Variants in CDKAL1 observed in about 807,000 individuals in gnomAD.
CDKAL1 encodes threonylcarbamoyladenosine tRNA methylthiotransferase.
In CDKAL1, 32 loss-of-function variants were observed where a neutral mutation model predicts 68.2. That is an observed-to-expected ratio of 0.47 (90% CI 0.35 to 0.63). CDKAL1 has a LOEUF of 0.63. Ranked by LOEUF, CDKAL1 falls within the 30% of genes least tolerant of loss-of-function variation. The probability of loss-of-function intolerance (pLI) is 0.00; values close to 1 mark genes in which losing one functional copy is unlikely to be tolerated. For synonymous variants in CDKAL1, 234 were observed against 244.3 expected (o/e 0.96, Z 0.39); for missense variants, 606 against 696.7 (o/e 0.87, Z 1.47).
chr6:20,547,701 G>A (rs943329242), intron 3 of CDKAL1, among the ~76,000 whole-genome samples: 2 of 152,078 alleles, frequency 1.3e-5, no homozygotes, highest in Non-Finnish European at 2.9e-5. Context: ...TGTCCTAAAT[G>A]TGTCCTTAAG....
intron 4 of CDKAL1, among the ~76,000 whole-genome samples, chr6:20,645,156 G>A (rs563883362): frequency 6.6e-6 from 1 of 152,284 alleles, no homozygotes; most frequent in South Asian, 2.1e-4. Flanking sequence ...TGCTCTGGGT[G>A]AGTCAGTGAG....
At chr6:20,725,127 C>T (rs1436223127) in intron 5 of CDKAL1, among the ~76,000 whole-genome samples, 2 of 152,074 alleles carry the variant, frequency 1.3e-5, no homozygotes, top group Non-Finnish European at 2.9e-5. Context: ...GTTTCCTCCC[C>T]ACCCCCGCCT....
intron 4 of CDKAL1, among the ~76,000 whole-genome samples, chr6:20,612,971 A>C (rs1359293324): frequency 7.0e-6 from 1 of 143,150 alleles, no homozygotes; most frequent in African/African-American, 2.6e-5. Flanking sequence ...TTTGTGAAGA[A>C]ACTCATTGTT....
chr6:20,546,178 C>T (rs1763594532), intron 2 of CDKAL1, among the ~76,000 whole-genome samples, 168 bp from the exon 3 acceptor site: 2 of 151,752 alleles, frequency 1.3e-5, no homozygotes, highest in Non-Finnish European at 2.9e-5. Flanking sequence ...TCAATATACC[C>T]AAGATAGTAC....
chr6:20,871,435 T>C (rs55738226), intron 9 of CDKAL1, among the ~76,000 whole-genome samples: 26,242 of 152,180 alleles, frequency 0.17, 2,630 homozygotes, highest in East Asian at 0.34. Context: ...AGTTGTAGAA[T>C]TGGTAAATTT....
intron 9 of CDKAL1, among the ~76,000 whole-genome samples, chr6:20,863,624 A>T (rs928212099): frequency 2.0e-5 from 3 of 152,152 alleles, no homozygotes; most frequent in African/African-American, 7.2e-5. Context: ...CCCAACTAGC[A>T]CCCATAATTG....
chr6:21,165,415 C>T (rs528216729), intron 13 of CDKAL1, among the ~76,000 whole-genome samples: 9 of 152,208 alleles, frequency 5.9e-5, no homozygotes, highest in East Asian at 1.9e-4. Context: ...TTATTTACTC[C>T]GAACAGTTCT....
chr6:21,034,546 A>G (rs1185290202), intron 11 of CDKAL1, among the ~76,000 whole-genome samples: 2 of 152,216 alleles, frequency 1.3e-5, no homozygotes, highest in African/African-American at 4.8e-5. Flanking sequence ...TTTTTATTTT[A>G]CCAGAAATGA....
At chr6:20,823,992 A>G (rs9460561) in intron 8 of CDKAL1, among the ~76,000 whole-genome samples, 11,901 of 152,154 alleles carry the variant, frequency 0.078, 516 homozygotes, top group African/African-American at 0.096. Context: ...TCTTGGGGCA[A>G]ATGGGACAAA....
At chr6:20,866,813 A>G (rs1329937550) in intron 9 of CDKAL1, among the ~76,000 whole-genome samples, 1 of 152,194 alleles carries the variant, frequency 6.6e-6, no homozygotes, top group Non-Finnish European at 1.5e-5. Context: ...TAAAAATGGA[A>G]ATTATTCCTG....
intron 4 of CDKAL1, among the ~76,000 whole-genome samples, chr6:20,572,077 A>G (rs1185679215): frequency 2.0e-5 from 3 of 152,332 alleles, no homozygotes; most frequent in South Asian, 4.1e-4. Flanking sequence ...CTAAAATGAT[A>G]TTCTAATCTA....
chr6:21,100,351 T>C (rs531149390), intron 12 of CDKAL1, among the ~76,000 whole-genome samples: 5 of 152,354 alleles, frequency 3.3e-5, no homozygotes, highest in African/African-American at 9.6e-5. Context: ...GTCTGCTGTT[T>C]TGGTGTCCTC....
chr6:20,773,549 T>A (rs1277177096), intron 7 of CDKAL1, among the ~76,000 whole-genome samples: 1 of 152,024 alleles, frequency 6.6e-6, no homozygotes, highest in African/African-American at 2.4e-5. Context: ...ATTTATTTTT[T>A]ATTTTTATTT....
At chr6:21,108,622 AATGTT>A (rs1773969950) in intron 13 of CDKAL1, among the ~76,000 whole-genome samples, 159 bp downstream of exon 13, 1 of 152,164 alleles carries the variant, frequency 6.6e-6, no homozygotes, top group South Asian at 2.1e-4. Flanking sequence ...AGAAAACAGA[AATGTT>A]ATATTTCTGA....
At chr6:21,167,486 TA>T (rs1178484112) in intron 13 of CDKAL1, among the ~76,000 whole-genome samples, 1 of 152,210 alleles carries the variant, frequency 6.6e-6, no homozygotes, top group Non-Finnish European at 1.5e-5. Context: ...AATAGCCACT[TA>T]ACTTTAAATC....
At chr6:20,902,965 C>T (rs1190782975) in intron 9 of CDKAL1, among the ~76,000 whole-genome samples, 1 of 152,060 alleles carries the variant, frequency 6.6e-6, no homozygotes, top group Non-Finnish European at 1.5e-5. Flanking sequence ...CTTGGGCTGT[C>T]ACTGTATTCT....
At chr6:20,886,729 A>G (rs191451025) in intron 9 of CDKAL1, among the ~76,000 whole-genome samples, 128 of 152,274 alleles carry the variant, frequency 8.4e-4, no homozygotes, top group African/African-American at 2.9e-3. Context: ...GTTACCAGGG[A>G]AAGGGTGAAG....
At chr6:20,896,120 G>A (rs11757050) in intron 9 of CDKAL1, among the ~76,000 whole-genome samples, 1 of 37,980 alleles carries the variant, frequency 2.6e-5, no homozygotes, top group African/African-American at 1.4e-4. Flanking sequence ...TTTTTTTTTT[G>A]AGATGGAGTC....
intron 12 of CDKAL1, among the ~76,000 whole-genome samples, chr6:21,092,888 G>T (rs563832880): frequency 6.7e-6 from 1 of 148,786 alleles, no homozygotes; most frequent in South Asian, 2.1e-4. Context: ...AAATTCAATA[G>T]AATTGGAAGG....
Sources: gnomAD v4.1 joint callset for allele counts (sites outside exome capture counted in the v4.1 genomes callset) on GRCh38, gnomAD v4.1.1 for gene constraint, MANE v1.5 for transcripts, NCBI Gene and HGNC (gene_info 2026-07-23, HGNC 2026-07-21) for gene names.